PCDHA2: variants seen among roughly 807,000 people sequenced by gnomAD.
PCDHA2 encodes protocadherin alpha-2.
PCDHA2 carries 58 observed loss-of-function variants against 66.0 expected under a neutral mutation model. That is an observed-to-expected ratio of 0.88 (90% CI 0.71 to 1.09). The LOEUF (loss-of-function observed/expected upper bound fraction) is 1.09, where lower values mean the gene tolerates loss of function less well. Ranked by LOEUF, PCDHA2 falls within the 50% of genes least tolerant of loss-of-function variation. PCDHA2 has a pLI of 0.00. For synonymous variants in PCDHA2, 634 were observed against 554.0 expected, an observed-to-expected ratio of 1.14 and a Z score of -2.03; for missense variants, 1,267 against 1,242.3, an observed-to-expected ratio of 1.02 and a Z score of -0.30.
chr5:140,888,355 T>C (rs1192266455), intron 1 of PCDHA2, among the ~76,000 whole-genome samples: 1 of 152,214 alleles, frequency 6.6e-6, no homozygotes, highest in Non-Finnish European at 1.5e-5. Context: ...GAATTGCTAC[T>C]GGCATCTAAT....
intron 2 of PCDHA2, among the ~76,000 whole-genome samples, chr5:140,981,687 ATCATTCAT>A (rs200213847): frequency 3.3e-5 from 5 of 151,972 alleles, no homozygotes; most frequent in South Asian, 2.1e-4. Flanking sequence ...CCTCCCTTCC[ATCATTCAT>A]TCATTCATTC....
At chr5:140,999,755 A>G (rs932293037) in intron 3 of PCDHA2, among the ~76,000 whole-genome samples, 1 of 152,168 alleles carries the variant, frequency 6.6e-6, no homozygotes, top group South Asian at 2.1e-4. Context: ...TTCGCAGCAC[A>G]TGATGTCTTT....
At chr5:140,967,268 C>T in intron 1 of PCDHA2, 1 of 1,613,522 alleles carries the variant, frequency 6.2e-7, no homozygotes, top group Non-Finnish European at 8.5e-7. Context: ...AGCGCGCTTT[C>T]ACATAGAGAG....
chr5:140,856,140 A>G lies in PCDHA2; in HGVS notation c.2388+58788A>G, dbSNP rs782672623. Reference sequence around the variant, plus strand: ...TGGGAGGTGGGGAGCGGCCAGCTCCACTACTCAGTCTACGAGGAGGCCAGA... The same window carrying G: ...TGGGAGGTGGGGAGCGGCCAGCTCCGCTACTCAGTCTACGAGGAGGCCAGA... On this transcript the variant is annotated intron_variant, in intron 1 of 3. Transcript: ENST00000526136. 4.4e-6 allele frequency: 7 copies of G among 1,598,030 alleles called. 1 individual carries two copies. The African/African-American group carries it at 8.1e-5, about 18-fold the overall frequency.
chr5:140,886,076 A>C (rs1554182342), intron 1 of PCDHA2, among the ~76,000 whole-genome samples: 3 of 152,198 alleles, frequency 2.0e-5, no homozygotes, highest in African/African-American at 7.2e-5. Flanking sequence ...GGGCCATACC[A>C]CAACCTGGAT....
At chr5:140,834,123 CTT>C (rs1476989067) in intron 1 of PCDHA2, 8 of 438,204 alleles carry the variant, frequency 1.8e-5, no homozygotes, top group Admixed American at 7.9e-5. Flanking sequence ...TGAAATAAAA[CTT>C]TTCATCTGAT....
chr5:140,800,906 G>C (rs1477930970), intron 1 of PCDHA2: 4 of 480,420 alleles, frequency 8.3e-6, no homozygotes, highest in Non-Finnish European at 1.3e-5. Context: ...GTGACCGAAG[G>C]ATATTACAAT....
chr5:140,834,201 A>G, intron 1 of PCDHA2: 1 of 610,058 alleles, frequency 1.6e-6, no homozygotes, highest in South Asian at 2.4e-5. Context: ...TCTTTACCGC[A>G]AATTCTTTCG....
intron 1 of PCDHA2, chr5:140,848,644 A>C: frequency 6.3e-7 from 1 of 1,593,184 alleles, no homozygotes; most frequent in Non-Finnish European, 8.6e-7. Flanking sequence ...CGCATCGCGC[A>C]GGACCTGGGG....
At position 140,796,600 on chromosome 5, in the gene PCDHA2, G is replaced by A. The variant is rs986304665; in HGVS notation, c.1636G>A (p.Gly546Ser). Residue 546 changes from glycine (G) to serine (S), a missense_variant, in exon 1 of 4, where the codon GGC (glycine) becomes AGC (serine). Coordinates refer to ENST00000526136, the MANE Select transcript of PCDHA2 (RefSeq NM_018905.3). Reference protein sequence around the residue: ...SARDAGVPPLGSNVTLQVFVL... With the variant: ...SARDAGVPPLSSNVTLQVFVL... ...GCGGGATGCGGGCGTGCCGCCTCTG[G>A]GCAGCAACGTGACGCTGCAGGTGTT... The A allele has an allele frequency of 3.3e-5, 53 of 1,612,140 alleles. No individual in the cohort carries two copies. The highest frequency in any genetic ancestry group is 4.0e-5 in the Non-Finnish European group (47 of 1,179,512).
chr5:140,876,273 C>T, intron 1 of PCDHA2: 1 of 1,613,982 alleles, frequency 6.2e-7, no homozygotes, highest in South Asian at 1.1e-5. Context: ...TAAATGCTTC[C>T]GATCCAGACG....
At chr5:140,991,648 A>G (rs2097463830) in intron 3 of PCDHA2, among the ~76,000 whole-genome samples, 1 of 152,192 alleles carries the variant, frequency 6.6e-6, no homozygotes, top group Non-Finnish European at 1.5e-5. Context: ...GTTCATGACA[A>G]TTTAGGTTTG....
At chr5:140,885,864 GA>G (rs1267536827) in intron 1 of PCDHA2, among the ~76,000 whole-genome samples, 5 of 151,842 alleles carry the variant, frequency 3.3e-5, no homozygotes, top group African/African-American at 4.8e-5. Context: ...CTTTTCTATT[GA>G]AAAAAAATTT....
chr5:140,926,813 T>C, intron 1 of PCDHA2: 1 of 1,463,920 alleles, frequency 6.8e-7, no homozygotes, highest in East Asian at 2.5e-5. Flanking sequence ...CCGCGGCTCG[T>C]GCTCTCCAGG....
intron 1 of PCDHA2, among the ~76,000 whole-genome samples, chr5:140,940,389 AT>A (rs2092602183): frequency 1.3e-5 from 2 of 151,932 alleles, no homozygotes; most frequent in Admixed American, 6.6e-5. Flanking sequence ...AATTTTGGTT[AT>A]TGTGTTTTTC....
rs782537122 is a variant in PCDHA2 at position 140,875,892 on chromosome 5, A to G, written c.2388+78540A>G. On this transcript the variant is annotated intron_variant, in intron 1 of 3. Coordinates refer to ENST00000526136, the MANE Select transcript of PCDHA2 (RefSeq NM_018905.3). ...TGTTCAGAGAAAGGGAACAAAAGGTACCTGTTTCTGAATCTGCGCCTCTGG... is the reference window on the plus strand; with the variant it reads ...TGTTCAGAGAAAGGGAACAAAAGGTGCCTGTTTCTGAATCTGCGCCTCTGG... 9 of 1,614,044 alleles carry G rather than the reference A, an allele frequency of 5.6e-6. No homozygotes were observed. The African/African-American group carries it at 1.2e-4, about 22-fold the overall frequency.
At chr5:140,882,333 C>A in intron 1 of PCDHA2, 1 of 1,614,220 alleles carries the variant, frequency 6.2e-7, no homozygotes, top group Non-Finnish European at 8.5e-7. Context: ...CTGATCCTCG[C>A]AGCCTGGGAG....
intron 1 of PCDHA2, chr5:140,876,762 G>A (rs1554168889): frequency 3.7e-6 from 6 of 1,614,252 alleles, no homozygotes; most frequent in Non-Finnish European, 5.1e-6. Flanking sequence ...CGCGGGATGG[G>A]GGCTCGCCTT....
intron 2 of PCDHA2, among the ~76,000 whole-genome samples, chr5:140,979,807 A>G (rs376087021): frequency 1.3e-4 from 20 of 152,376 alleles, no homozygotes; most frequent in African/African-American, 4.1e-4. Flanking sequence ...CACAACTATC[A>G]AAAGGATTTA....
Sources: gnomAD v4.1 joint callset for allele counts (sites outside exome capture counted in the v4.1 genomes callset) on GRCh38, gnomAD v4.1.1 for gene constraint, MANE v1.5 for transcripts, NCBI Gene and HGNC (gene_info 2026-07-23, HGNC 2026-07-21) for gene names.